The following KIAA1328 variants were observed in gnomAD, a reference collection of about 807,000 sequenced individuals.
KIAA1328 encodes the protein protein hinderin.
Under a neutral mutation model 68.1 loss-of-function variants are expected in KIAA1328, and 52 were observed. The ratio of observed to expected loss-of-function variants is 0.76; its 90% CI spans 0.61 to 0.96. The LOEUF (loss-of-function observed/expected upper bound fraction) is 0.96, where lower values mean the gene tolerates loss of function less well. Ranked by LOEUF, KIAA1328 falls within the 40% of genes least tolerant of loss-of-function variation. The pLI, the probability that KIAA1328 is intolerant of heterozygous loss-of-function variation, is 0.00. For missense variants in KIAA1328, 641 were observed against 677.6 expected (o/e 0.95, Z 0.60); for synonymous variants, 232 against 239.4 (o/e 0.97, Z 0.28).
At chr18:36,877,264 C>T (rs1267000978) in intron 4 of KIAA1328, among the ~76,000 whole-genome samples, 1 of 151,970 alleles carries the variant, frequency 6.6e-6, no homozygotes, top group African/African-American at 2.4e-5. Context: ...CTGATTTTGA[C>T]AGTGGGGTGT....
chr18:36,927,945 C>T (rs904496798), intron 5 of KIAA1328, among the ~76,000 whole-genome samples: 138 of 152,084 alleles, frequency 9.1e-4, no homozygotes, highest in Non-Finnish European at 1.6e-3. Context: ...GGAGTGCCCT[C>T]GTAAGAACAA....
Position 37,224,860 on chromosome 18 carries a change from A to G in KIAA1328, c.*2633A>G. The G allele has an allele frequency of 1.0e-6, 1 of 985,464 alleles. No individual in the cohort carries two copies. The highest frequency in any genetic ancestry group is 4.7e-5 in the South Asian group (1 of 21,280). 61.0% of individuals were successfully genotyped at this position (985,464 alleles called of 1,614,324 possible). The stretch of plus-strand genomic sequence containing the variant: ...ACTCCTGTGAGAGAAAAACCAATCA[A>G]TGTTTACAAAATGGAAAAGGACACA... On this transcript the variant is annotated 3_prime_UTR_variant, in exon 10 of 10. Transcript: ENST00000280020.
chr18:37,124,651 G>A (rs1468254432), intron 7 of KIAA1328, among the ~76,000 whole-genome samples: 1 of 152,092 alleles, frequency 6.6e-6, no homozygotes, highest in Admixed American at 6.6e-5. Flanking sequence ...CTCTATCCTA[G>A]TTTACAAGTC....
intron 5 of KIAA1328, among the ~76,000 whole-genome samples, chr18:36,953,827 A>G (rs2051275729): frequency 1.3e-5 from 2 of 152,036 alleles, no homozygotes; most frequent in Non-Finnish European, 2.9e-5. Context: ...TTCTCCCTGA[A>G]CAAGGATTCA....
chr18:37,131,864 T>A (rs1255445584), intron 7 of KIAA1328, among the ~76,000 whole-genome samples: 1 of 152,206 alleles, frequency 6.6e-6, no homozygotes, highest in African/African-American at 2.4e-5. Context: ...CTTTTCATAC[T>A]GTTGGAGGGT....
chr18:37,132,844 T>C (rs1370993029), intron 7 of KIAA1328, among the ~76,000 whole-genome samples: 2 of 152,154 alleles, frequency 1.3e-5, no homozygotes, highest in East Asian at 3.8e-4. Context: ...ACCATACAAA[T>C]GTTCTTCAGT....
chr18:37,061,887 C>G (rs903879217), intron 6 of KIAA1328, among the ~76,000 whole-genome samples: 6 of 152,124 alleles, frequency 3.9e-5, no homozygotes, highest in Non-Finnish European at 8.8e-5. Flanking sequence ...TGTCTGTGTA[C>G]AAGCCCTAGT....
intron 9 of KIAA1328, among the ~76,000 whole-genome samples, chr18:37,214,223 G>C (rs323484): frequency 6.6e-6 from 1 of 151,924 alleles, no homozygotes; most frequent in African/African-American, 2.4e-5. Flanking sequence ...AAGTCCTTGC[G>C]AATGCCTATG....
Position 37,222,172 on chromosome 18 carries a change from G to A in KIAA1328, c.1679G>A (p.Arg560Lys), listed in dbSNP as rs911106088. The A allele has an allele frequency of 3.7e-6, 6 of 1,602,440 alleles. No individual in the cohort carries two copies. The highest frequency in any genetic ancestry group is 3.3e-4 in the Middle Eastern group (2 of 6,080). The change falls in exon 10 of 10, where the codon AGA becomes AAA. Residue 560 changes from arginine (R) to lysine (K), a missense_variant. Transcript: ENST00000280020. ...ACCCGGAAGAAGATGGGGATGCACA[G>A]AACCCCTGAAGAGTTGGAGGAGAAT... ...KSTRKKMGMH[R>K]TPEELEENQI...
intron 7 of KIAA1328, among the ~76,000 whole-genome samples, chr18:37,112,559 G>A (rs1451255718): frequency 6.6e-6 from 1 of 152,170 alleles, no homozygotes; most frequent in Non-Finnish European, 1.5e-5. Flanking sequence ...AGAAACCAGA[G>A]CAGAAAAGCT....
intron 8 of KIAA1328, among the ~76,000 whole-genome samples, chr18:37,162,786 A>T (rs552515129): frequency 3.3e-5 from 5 of 152,034 alleles, no homozygotes; most frequent in African/African-American, 1.2e-4. Flanking sequence ...TACACAGGAC[A>T]TTTACTACAG....
intron 6 of KIAA1328, among the ~76,000 whole-genome samples, chr18:37,001,037 T>A (rs1276348371): frequency 6.6e-6 from 1 of 151,742 alleles, no homozygotes; most frequent in Non-Finnish European, 1.5e-5. Context: ...ATAATAGACA[T>A]AAGAACAGAC....
intron 9 of KIAA1328, among the ~76,000 whole-genome samples, chr18:37,191,495 A>G (rs1256416145): frequency 6.6e-6 from 1 of 152,168 alleles, no homozygotes. Flanking sequence ...ATTCCTTGGG[A>G]GAACATCCTG....
chr18:37,143,974 T>C (rs899620962), intron 7 of KIAA1328, among the ~76,000 whole-genome samples: 1 of 152,170 alleles, frequency 6.6e-6, no homozygotes, highest in Non-Finnish European at 1.5e-5. Flanking sequence ...CTCTTCTATA[T>C]ACTGAAAGTT....
chr18:36,961,312 T>C (rs1247447855), intron 6 of KIAA1328, among the ~76,000 whole-genome samples: 1 of 152,068 alleles, frequency 6.6e-6, no homozygotes, highest in Non-Finnish European at 1.5e-5. Flanking sequence ...AATATGGGAA[T>C]ATGTGAAAAG....
chr18:37,190,050 A>G (rs1472049314), intron 9 of KIAA1328, among the ~76,000 whole-genome samples: 8 of 152,212 alleles, frequency 5.3e-5, no homozygotes, highest in East Asian at 1.9e-4. Context: ...CTAAAAAAGC[A>G]AAAACTCTTC....
intron 6 of KIAA1328, among the ~76,000 whole-genome samples, chr18:36,973,108 A>G (rs972107585): frequency 6.6e-6 from 1 of 152,194 alleles, no homozygotes; most frequent in East Asian, 1.9e-4. Flanking sequence ...GATTAAGAAA[A>G]TGTGGCACAT....
intron 6 of KIAA1328, among the ~76,000 whole-genome samples, chr18:37,002,766 C>T (rs2053638131): frequency 2.0e-5 from 3 of 151,884 alleles, no homozygotes; most frequent in Admixed American, 2.0e-4. Flanking sequence ...ACCATATTGC[C>T]CAAAGCAATC....
At chr18:36,946,148 G>A in intron 5 of KIAA1328, 1 of 152,116 alleles carries the variant, frequency 6.6e-6, no homozygotes, top group East Asian at 1.9e-4. Context: ...ATGTTACACT[G>A]CCCTAAAAAT....
Sources: gnomAD v4.1 joint callset for allele counts (sites outside exome capture counted in the v4.1 genomes callset) on GRCh38, gnomAD v4.1.1 for gene constraint, MANE v1.5 for transcripts, NCBI Gene and HGNC (gene_info 2026-07-23, HGNC 2026-07-21) for gene names.